Variants in MCUR1 observed in about 807,000 individuals in gnomAD.
The protein encoded by MCUR1 is MCU regulator 1.
Under a neutral mutation model 42.0 loss-of-function variants are expected in MCUR1, and 37 were observed. The ratio of observed to expected loss-of-function variants is 0.88; its 90% CI spans 0.68 to 1.16. The LOEUF is 1.16. MCUR1 is among the 50% of genes most tolerant of loss of function. MCUR1 has a pLI of 0.00. For missense variants in MCUR1, 469 were observed against 468.4 expected, an observed-to-expected ratio of 1.00 and a Z score of -0.01; for synonymous variants, 229 against 196.2, an observed-to-expected ratio of 1.17 and a Z score of -1.40.
chr6:13,795,751 G>A (rs965597351), intron 6 of MCUR1, among the ~76,000 whole-genome samples: 1 of 152,126 alleles, frequency 6.6e-6, no homozygotes, highest in Non-Finnish European at 1.5e-5. Flanking sequence ...GGTAGGAGGT[G>A]GGTGAGGGGC....
chr6:13,808,651 A>C (rs1760163808), intron 1 of MCUR1, among the ~76,000 whole-genome samples: 1 of 152,226 alleles, frequency 6.6e-6, no homozygotes, highest in Non-Finnish European at 1.5e-5. Flanking sequence ...TTTAGCTCTT[A>C]CATTGAGGTC....
chr6:13,799,972 C>T (rs1759953724), intron 5 of MCUR1, among the ~76,000 whole-genome samples: 1 of 151,762 alleles, frequency 6.6e-6, no homozygotes, highest in Non-Finnish European at 1.5e-5. Context: ...GCTGGGATTA[C>T]AGGCACCTGC....
chr6:13,798,963 T>C lies in MCUR1; in HGVS notation c.784-59A>G, dbSNP rs1289380045. On this transcript the variant is annotated intron_variant, in intron 5 of 8. Coordinates refer to ENST00000379170, the MANE Select transcript of MCUR1 (RefSeq NM_001031713.4). ...TCCAAAGTAAGAAACCCAAACTCTATGAGGACGTGACACTGGGACCACTGC... is the reference window on the plus strand; with the variant it reads ...TCCAAAGTAAGAAACCCAAACTCTACGAGGACGTGACACTGGGACCACTGC... 6 of 1,031,712 alleles carry C rather than the reference T, an allele frequency of 5.8e-6. No homozygotes were observed. The East Asian group carries it at 7.2e-5, about 12-fold the overall frequency. 63.9% of individuals were successfully genotyped at this position (1,031,712 alleles called of 1,614,324 possible).
At chr6:13,807,171 C>A in intron 1 of MCUR1, 127 bp from the exon 2 acceptor site, 1 of 964,106 alleles carries the variant, frequency 1.0e-6, no homozygotes, top group South Asian at 2.1e-5. Flanking sequence ...TTGAGATATA[C>A]AATTCACCCA....
chr6:13,811,211 C>T (rs1477514464), intron 1 of MCUR1, among the ~76,000 whole-genome samples: 2 of 152,164 alleles, frequency 1.3e-5, no homozygotes, highest in Non-Finnish European at 2.9e-5. Flanking sequence ...GATAGCTCAT[C>T]GTAGCACTTA....
At chr6:13,804,618 C>T (rs1005168452) in intron 2 of MCUR1, among the ~76,000 whole-genome samples, 3 of 151,438 alleles carry the variant, frequency 2.0e-5, no homozygotes, top group African/African-American at 4.8e-5. Flanking sequence ...ACTAAAAATA[C>T]AAAAAATTAG....
chr6:13,788,268 T>C lies in MCUR1; in HGVS notation c.*2541A>G, dbSNP rs1462368630. On this transcript the variant is annotated 3_prime_UTR_variant, in exon 9 of 9. Transcript: ENST00000379170. The stretch of plus-strand genomic sequence containing the variant: ...GGTACACTTGTATTTTGGGCTCAAA[T>C]GGTTTTCAAATAAAATACATCTGAC... The C allele has an allele frequency of 6.6e-6, 1 of 152,148 alleles. No individual in the cohort carries two copies. The highest frequency in any genetic ancestry group is 1.5e-5 in the Non-Finnish European group (1 of 68,034). The allele number at this position is 152,148 out of a possible 1,614,324, so 9.4% of individuals were successfully genotyped here. A position where few individuals can be genotyped will look rare whatever the true frequency, so the allele number is the denominator to read the frequency against.
chr6:13,806,669 T>C (rs1336686309), intron 2 of MCUR1, among the ~76,000 whole-genome samples: 1 of 152,178 alleles, frequency 6.6e-6, no homozygotes, highest in Non-Finnish European at 1.5e-5. Context: ...TGTGTGCCTG[T>C]AGTCCCAGCT....
intron 7 of MCUR1, among the ~76,000 whole-genome samples, chr6:13,792,987 A>G (rs1759765307): frequency 6.6e-6 from 1 of 152,074 alleles, no homozygotes; most frequent in Non-Finnish European, 1.5e-5. Flanking sequence ...TTCCGTTAAG[A>G]AAAACAAACT....
Position 13,788,592 on chromosome 6 carries a change from T to C in MCUR1, c.*2217A>G, listed in dbSNP as rs916661875. ...TTCACTGTTTTTAACCCACACAAGG[T>C]TAGGTAATGTTTACCTTGAAACATA... is the stretch of plus-strand genomic sequence containing the variant. On this transcript the variant is annotated 3_prime_UTR_variant, in exon 9 of 9. Coordinates refer to ENST00000379170, the MANE Select transcript of MCUR1 (RefSeq NM_001031713.4). 3 of 152,190 alleles carry C rather than the reference T, an allele frequency of 2.0e-5. No homozygotes were observed. Among genetic ancestry groups the C allele is most frequent in the African/African-American group, 7.2e-5 (3 of 41,446 alleles). The allele number at this position is 152,190 out of a possible 1,614,324, so 9.4% of individuals were successfully genotyped here.
chr6:13,795,890 AAAT>A (rs1206754796), intron 6 of MCUR1, among the ~76,000 whole-genome samples: 1 of 152,180 alleles, frequency 6.6e-6, no homozygotes, highest in Non-Finnish European at 1.5e-5. Context: ...ACTGAAATTA[AAAT>A]AATGAAACAC....
intron 1 of MCUR1, among the ~76,000 whole-genome samples, chr6:13,809,209 C>G (rs368846637): frequency 2.6e-4 from 40 of 152,256 alleles, no homozygotes; most frequent in African/African-American, 9.4e-4. Flanking sequence ...GTACTGCCAC[C>G]TTAATATTAA....
At chr6:13,800,291 TAA>T in intron 5 of MCUR1, 48 bp downstream of exon 5, 1 of 1,218,110 alleles carries the variant, frequency 8.2e-7, no homozygotes, top group Non-Finnish European at 1.2e-6. Context: ...TACTTATTAA[TAA>T]GTTTATATAA....
In MCUR1 at chr6:13,786,747, TAGTA is replaced by T. The variant is rs1759611832; in HGVS notation, c.*4058_*4061del. 1 of 152,186 alleles carries T rather than the reference TAGTA, an allele frequency of 6.6e-6. No individual in the cohort carries two copies. Among genetic ancestry groups the T allele is most frequent in the African/African-American group, 2.4e-5 (1 of 41,454 alleles). The allele number at this position is 152,186 out of a possible 1,614,324, so 9.4% of individuals were successfully genotyped here. ...GTCACACAGAATTAAATATTTTAGATAGTAAGAATCTTACACTTTATTAGATAAT... is the reference window on the plus strand; with the variant it reads ...GTCACACAGAATTAAATATTTTAGATAGAATCTTACACTTTATTAGATAAT... On this transcript the variant is annotated 3_prime_UTR_variant, in exon 9 of 9. Transcript: ENST00000379170.
At chr6:13,791,455 T>G (rs1314297188) in intron 8 of MCUR1, among the ~76,000 whole-genome samples, 1 of 152,184 alleles carries the variant, frequency 6.6e-6, no homozygotes, top group Non-Finnish European at 1.5e-5. Flanking sequence ...GGGTGGTACA[T>G]GAATGTTCAT....
Position 13,814,159 on chromosome 6 carries a change from C to G in MCUR1, c.271G>C (p.Asp91His). 7.5e-7 allele frequency: 1 copy of G among 1,330,910 alleles called. No homozygotes were observed. The highest frequency in any genetic ancestry group is 3.1e-5 in the East Asian group (1 of 31,960). 82.4% of individuals were successfully genotyped at this position (1,330,910 alleles called of 1,614,324 possible). A position where few individuals can be genotyped will look rare whatever the true frequency, so the allele number is the denominator to read the frequency against. ...AAAAPRRQLG[D>H]WERSRLGYAA... ...TACCCGAGGCGCGAGCGCTCCCAGT[C>G]CCCGAGCTGCCGGCGCGGGGCTGCG... Residue 91 changes from aspartate to histidine, a missense_variant, in exon 1 of 9, where the codon GAC becomes CAC. Coordinates refer to ENST00000379170, the MANE Select transcript of MCUR1 (RefSeq NM_001031713.4).
In MCUR1 at chr6:13,807,167, T is replaced by TA. The variant is rs5874435; in HGVS notation, c.416-124dup. 7.0e-3 allele frequency: 7,394 copies of TA among 1,055,206 alleles called. 53 individuals carry two copies. Among genetic ancestry groups the TA allele is most frequent in the South Asian group, 0.029 (1,467 of 49,846 alleles). The allele number at this position is 1,055,206 out of a possible 1,614,324, so 65.4% of individuals were successfully genotyped here. ...GTACTTTATAACAGCTTCGTTGAGA[T>TA]ATACAATTCACCCAATTTCAAGCAT... On this transcript the variant is annotated intron_variant, in intron 1 of 8. Coordinates refer to ENST00000379170, the MANE Select transcript of MCUR1 (RefSeq NM_001031713.4).
Position 13,790,779 on chromosome 6 carries a change from C to G in MCUR1, c.*30G>C, listed in dbSNP as rs1759713504. 3.2e-6 allele frequency: 5 copies of G among 1,580,696 alleles called. No individual in the cohort carries two copies. ...ACAATCTGGTATTCTTAAGGCAAAA[C>G]AGTAGAAATCACTTTAAATAGACAC... is the stretch of plus-strand genomic sequence containing the variant. On this transcript the variant is annotated 3_prime_UTR_variant, in exon 9 of 9. Transcript: ENST00000379170.
At chr6:13,802,599 CAT>C (rs1268888792) in intron 2 of MCUR1, among the ~76,000 whole-genome samples, 1 of 152,116 alleles carries the variant, frequency 6.6e-6, no homozygotes, top group African/African-American at 2.4e-5. Flanking sequence ...TATCAAAAGT[CAT>C]GTTTTCAGAG....
Sources: gnomAD v4.1 joint callset for allele counts (sites outside exome capture counted in the v4.1 genomes callset) on GRCh38, gnomAD v4.1.1 for gene constraint, MANE v1.5 for transcripts, NCBI Gene and HGNC (gene_info 2026-07-23, HGNC 2026-07-21) for gene names.